MGLL: variants seen among roughly 807,000 people sequenced by gnomAD.
MGLL encodes the protein lysophospholipase homolog.
A neutral mutation model predicts 29.1 loss-of-function variants in MGLL; 7 were observed. The ratio of observed to expected loss-of-function variants is 0.24; its 90% CI spans 0.14 to 0.45. The LOEUF is 0.45. Among genes scored for constraint, MGLL ranks in the 20% least tolerant of loss-of-function variants. The pLI, the probability that MGLL is intolerant of heterozygous loss-of-function variation, is 0.99. For synonymous variants in MGLL, 148 were observed against 168.3 expected (o/e 0.88, Z 0.93); for missense variants, 356 against 413.6 (o/e 0.86, Z 1.21).
At position 127,772,210 on chromosome 3, in the gene MGLL, C is replaced by T. The variant is rs190018975; in HGVS notation, c.262+9579G>A. ...GGGGATTGTGCAGACTTGCCAAGGCCGCACAGGTAGTAAAGGATGAAGCCA... is the reference window on the plus strand; with the variant it reads ...GGGGATTGTGCAGACTTGCCAAGGCTGCACAGGTAGTAAAGGATGAAGCCA... On this transcript the variant is annotated intron_variant, in intron 3 of 7. Transcript: ENST00000265052. 4.9e-3 allele frequency among the ~76,000 whole-genome samples: 746 copies of T among 152,332 alleles called. 4 individuals are homozygous for T. Among genetic ancestry groups the T allele is most frequent in the African/African-American group, 0.011 (446 of 41,572 alleles).
Position 127,761,025 on chromosome 3 carries a change from AC to A in MGLL, c.262+20763del, listed in dbSNP as rs2076754841. Among the ~76,000 whole-genome samples, 1 of 152,220 alleles carries A rather than the reference AC, an allele frequency of 6.6e-6. No homozygotes were observed. Among genetic ancestry groups the A allele is most frequent in the Non-Finnish European group, 1.5e-5 (1 of 68,040 alleles). ...TCCTCCAGGCCAAATTCATACCCAC[AC>A]ATACAGGATTCACAAGTGTGAACTT... is the stretch of plus-strand genomic sequence containing the variant. On this transcript the variant is annotated intron_variant, in intron 3 of 7. Transcript: ENST00000265052. This position sits in a 1 kb window ranked among gnomAD's most constrained non-coding sequence, Gnocchi z 4.6.
chr3:127,692,875 C>T (rs949133074), intron 7 of MGLL, among the ~76,000 whole-genome samples: 4 of 152,202 alleles, frequency 2.6e-5, no homozygotes, highest in Non-Finnish European at 4.4e-5. Flanking sequence ...GCCGGCAGAT[C>T]CTTCTCAGTC....
chr3:127,735,020 C>A (rs557899842), intron 3 of MGLL, among the ~76,000 whole-genome samples: 1 of 152,264 alleles, frequency 6.6e-6, no homozygotes, highest in African/African-American at 2.4e-5. Flanking sequence ...AAGAACCACA[C>A]AACAGACCCG....
chr3:127,822,311 G>A lies in MGLL; in HGVS notation c.8C>T (p.Thr3Ile). ...AATTCCAAGGATACATGACAAACCT[G>A]TTTCCATTATGTGCTGGCGTTTGCA... ME[T>I]GPEDPSSMPE... is the part of the protein sequence containing the mutation. Residue 3 changes from threonine (T) to isoleucine (I), a missense_variant and splice_region_variant, in exon 1 of 8, where the codon ACA becomes ATA. Thr to Ile is a moderately conservative substitution (Grantham distance 89). Transcript: ENST00000265052. The A allele has an allele frequency of 6.2e-7, 1 of 1,613,572 alleles. No individual in the cohort carries two copies. Among genetic ancestry groups the A allele is most frequent in the South Asian group, 1.1e-5 (1 of 91,082 alleles).
chr3:127,739,134 G>GA (rs2076292502), intron 3 of MGLL, among the ~76,000 whole-genome samples: 1 of 152,206 alleles, frequency 6.6e-6, no homozygotes, highest in Non-Finnish European at 1.5e-5. Flanking sequence ...AGCTATCTGG[G>GA]AAAAATCCCG....
chr3:127,737,497 G>A (rs1438393652), intron 3 of MGLL, among the ~76,000 whole-genome samples: 1 of 151,488 alleles, frequency 6.6e-6, no homozygotes, highest in African/African-American at 2.4e-5. Flanking sequence ...GCCATGATAA[G>A]GGTCATTATG....
In MGLL at chr3:127,716,100, G is replaced by A. The variant is rs535400620; in HGVS notation, c.510+4953C>T. Among the ~76,000 whole-genome samples the A allele has an allele frequency of 1.1e-4, 16 of 152,306 alleles. No individual in the cohort carries two copies. The South Asian group carries it at 2.3e-3, about 22-fold the overall frequency. ...CAGCTCAACCCAGACCCCAGGGGTC[G>A]TCGCCTGAGGATAATTTGGGGCCAA... On this transcript the variant is annotated intron_variant, in intron 5 of 7. Coordinates refer to ENST00000265052, the MANE Select transcript of MGLL (RefSeq NM_007283.7).
intron 6 of MGLL, among the ~76,000 whole-genome samples, chr3:127,709,626 A>G (rs562089276): frequency 6.6e-6 from 1 of 152,262 alleles, no homozygotes; most frequent in East Asian, 1.9e-4. Context: ...CCCTTTAGGG[A>G]GCCAGTGATT....
chr3:127,748,418 G>A (rs1482667843), intron 3 of MGLL, among the ~76,000 whole-genome samples: 1 of 119,722 alleles, frequency 8.4e-6, no homozygotes, highest in Admixed American at 7.9e-5. Flanking sequence ...AAGAGAGAGA[G>A]AGAGAGAGAG....
intron 3 of MGLL, among the ~76,000 whole-genome samples, chr3:127,754,512 G>A (rs1365262627): frequency 2.0e-5 from 3 of 152,186 alleles, no homozygotes; most frequent in Non-Finnish European, 2.9e-5. Context: ...TACTTGCAAC[G>A]GCCCCGCTAG....
intron 3 of MGLL, among the ~76,000 whole-genome samples, chr3:127,738,442 C>T (rs2076281727): frequency 6.6e-6 from 1 of 152,158 alleles, no homozygotes; most frequent in African/African-American, 2.4e-5. Context: ...ATTCTACCTC[C>T]CAAGGAGCTG....
chr3:127,774,220 T>C (rs1162696834), intron 3 of MGLL, among the ~76,000 whole-genome samples: 3 of 152,228 alleles, frequency 2.0e-5, no homozygotes, highest in Non-Finnish European at 2.9e-5. Context: ...CCCGGGCCTT[T>C]GCACTGACTG....
intron 3 of MGLL, among the ~76,000 whole-genome samples, chr3:127,762,317 G>A (rs575981383): frequency 1.3e-5 from 2 of 152,052 alleles, no homozygotes; most frequent in East Asian, 1.9e-4. Flanking sequence ...TTCTTGGTGG[G>A]CCAGCCATTT....
At chr3:127,773,662 G>T (rs2076985869) in intron 3 of MGLL, among the ~76,000 whole-genome samples, 1 of 152,242 alleles carries the variant, frequency 6.6e-6, no homozygotes, top group South Asian at 2.1e-4. Flanking sequence ...CTTGGGGGAG[G>T]GACCCTGAGA....
At chr3:127,786,455 G>T (rs1172723542) in intron 2 of MGLL, among the ~76,000 whole-genome samples, 2 of 152,256 alleles carry the variant, frequency 1.3e-5, no homozygotes, top group Non-Finnish European at 2.9e-5. Context: ...AACGGCTGCA[G>T]CCAGTTGGGA....
chr3:127,748,922 C>T (rs1026023890), intron 3 of MGLL, among the ~76,000 whole-genome samples: 1 of 152,156 alleles, frequency 6.6e-6, no homozygotes, highest in Non-Finnish European at 1.5e-5. Flanking sequence ...TGGAATGATG[C>T]CCACCTCTGC....
In MGLL at chr3:127,693,369, G is replaced by A. The variant is rs775555315; in HGVS notation, c.817-1046C>T. Among the ~76,000 whole-genome samples the A allele has an allele frequency of 5.3e-5, 8 of 152,272 alleles. No individual in the cohort carries two copies. The South Asian group carries it at 1.0e-3, about 20-fold the overall frequency. ...GCTTTTAAAATGAAAATCACAGCACGTCACTCCTTGGCTTGAAATGCTCAT... is the reference window on the plus strand; with the variant it reads ...GCTTTTAAAATGAAAATCACAGCACATCACTCCTTGGCTTGAAATGCTCAT... On this transcript the variant is annotated intron_variant, in intron 7 of 7. Coordinates refer to ENST00000265052, the MANE Select transcript of MGLL (RefSeq NM_007283.7).
intron 3 of MGLL, among the ~76,000 whole-genome samples, chr3:127,760,167 T>C (rs1199928794): frequency 2.0e-5 from 3 of 152,152 alleles, no homozygotes; most frequent in Admixed American, 6.5e-5. Flanking sequence ...TTATGGGACA[T>C]TGAGTTTGTG....
intron 3 of MGLL, among the ~76,000 whole-genome samples, chr3:127,751,991 C>A (rs2076567608): frequency 6.6e-6 from 1 of 152,170 alleles, no homozygotes; most frequent in Admixed American, 6.5e-5. Flanking sequence ...TTTAAAGTAA[C>A]AAAATACATG....
Sources: allele counts gnomAD v4.1 joint callset (sites outside exome capture counted in the v4.1 genomes callset), GRCh38; gene constraint gnomAD v4.1.1; non-coding constraint Gnocchi (gnomAD v3.1); transcripts MANE v1.5; gene names NCBI Gene and HGNC (gene_info 2026-07-23, HGNC 2026-07-21).